Variants in CFAP91 observed in about 807,000 individuals in gnomAD.
The protein encoded by CFAP91 is cilia and flagella associated protein 91.
A neutral mutation model predicts 95.9 loss-of-function variants in CFAP91; 85 were observed. That is an observed-to-expected ratio of 0.89 (90% CI 0.74 to 1.06). CFAP91 has a LOEUF of 1.06. Among genes scored for constraint, CFAP91 ranks in the 50% least tolerant of loss-of-function variants. The pLI is 0.00. For synonymous variants in CFAP91, 335 were observed against 327.5 expected, an observed-to-expected ratio of 1.02 and a Z score of -0.25; for missense variants, 962 against 943.4, an observed-to-expected ratio of 1.02 and a Z score of -0.26.
At chr3:119,750,397 A>G in intron 16 of CFAP91, 1 of 158,742 alleles carries the variant, frequency 6.3e-6, no homozygotes, top group South Asian at 1.7e-4. Flanking sequence ...TTACCCTGAT[A>G]GTGAATATTC....
Position 119,706,834 on chromosome 3 carries a change from G to A in CFAP91, c.150G>A (p.Glu50=). 1 of 1,613,510 alleles carries A rather than the reference G, an allele frequency of 6.2e-7. No individual in the cohort carries two copies. The highest frequency in any genetic ancestry group is 8.5e-7 in the Non-Finnish European group (1 of 1,179,792). Residue 50 remains glutamate (E), a synonymous_variant, in exon 2 of 18, where the codon GAG becomes GAA. Transcript: ENST00000273390. The part of the protein sequence containing the change: ...LYDPLFIVSS[E]KDHTQANIQA... ...ATCCATTGTTTATTGTGTCAAGTGAGAAAGACCATACACAGGCAAATATCC... is the reference window on the plus strand; with the variant it reads ...ATCCATTGTTTATTGTGTCAAGTGAAAAAGACCATACACAGGCAAATATCC...
At position 119,747,181 on chromosome 3, in the gene CFAP91, A is replaced by G. The variant is rs2054237282; in HGVS notation, c.1969A>G (p.Asn657Asp). The G allele has an allele frequency of 1.9e-6, 3 of 1,613,812 alleles. No homozygotes were observed. Among genetic ancestry groups the G allele is most frequent in the Non-Finnish European group, 2.5e-6 (3 of 1,179,864 alleles). ...AGACATAATACTGAATACCGAAGCGAATACTGCAGAAGAACAAGCCAGGGC... is the reference window on the plus strand; with the variant it reads ...AGACATAATACTGAATACCGAAGCGGATACTGCAGAAGAACAAGCCAGGGC... ...LEDIILNTEA[N>D]TAEEQARAEI... The change falls in exon 15 of 18, where the codon AAT (asparagine) becomes GAT (aspartate). Residue 657 changes from asparagine (N) to aspartate (D), a missense_variant. Coordinates refer to ENST00000273390, the MANE Select transcript of CFAP91 (RefSeq NM_033364.4).
intron 12 of CFAP91, 58 bp from the exon 13 acceptor site, chr3:119,740,491 G>T (rs2054094647): frequency 5.0e-6 from 8 of 1,589,264 alleles, no homozygotes; most frequent in Non-Finnish European, 6.9e-6. Flanking sequence ...GTGACTCCTA[G>T]TGCTTGGCAC....
chr3:119,736,057 G>A (rs2053995758), intron 10 of CFAP91, among the ~76,000 whole-genome samples: 2 of 151,196 alleles, frequency 1.3e-5, no homozygotes, highest in African/African-American at 4.9e-5. Flanking sequence ...GGGGAGCGGG[G>A]GGAATGTAAT....
At chr3:119,736,204 T>G (rs949347428) in intron 10 of CFAP91, among the ~76,000 whole-genome samples, 1 of 151,732 alleles carries the variant, frequency 6.6e-6, no homozygotes, top group Non-Finnish European at 1.5e-5. Context: ...TGCCTAATAG[T>G]GCTCACTTCC....
rs2054315655 is a variant in CFAP91 at position 119,751,058 on chromosome 3, G to A, written c.2265G>A (p.Met755Ile). ...AAGATGAGGCCTCAAATGCTGCCAT[G>A]TTACTTGAGAAAGAAACTCAAAATG... is the stretch of plus-strand genomic sequence containing the variant. ...GEQDEASNAA[M>I]LLEKETQNEN... Residue 755 changes from methionine (M) to isoleucine (I), a missense_variant, in exon 17 of 18, where the codon ATG becomes ATA. Coordinates refer to ENST00000273390, the MANE Select transcript of CFAP91 (RefSeq NM_033364.4). The A allele has an allele frequency of 3.7e-6, 6 of 1,609,824 alleles. No homozygotes were observed. The highest frequency in any genetic ancestry group is 5.1e-6 in the Non-Finnish European group (6 of 1,178,644).
Position 119,722,195 on chromosome 3 carries a change from A to AAAAAAAAAAG in CFAP91, c.683-3976_683-3975insAAAAAAAAAG, listed in dbSNP as rs1553707014. ...CTGTCTCTAAAAAAAAAAAAAAAAAAGGAAGAAGATGAAAGAAAGAAAAAG... is the reference window on the plus strand; with the variant it reads ...CTGTCTCTAAAAAAAAAAAAAAAAAAAAAAAAAAAGGGAAGAAGATGAAAGAAAGAAAAAG... On this transcript the variant is annotated intron_variant, in intron 6 of 17. Coordinates refer to ENST00000273390, the MANE Select transcript of CFAP91 (RefSeq NM_033364.4). Among the ~76,000 whole-genome samples the AAAAAAAAAAG allele has an allele frequency of 3.1e-3, 459 of 149,270 alleles. 6 individuals are homozygous for AAAAAAAAAAG. Among genetic ancestry groups the AAAAAAAAAAG allele is most frequent in the African/African-American group, 0.011 (439 of 40,376 alleles).
At chr3:119,738,190 G>A (rs1206385905) in intron 11 of CFAP91, among the ~76,000 whole-genome samples, 1 of 152,062 alleles carries the variant, frequency 6.6e-6, no homozygotes, top group Non-Finnish European at 1.5e-5. Context: ...GTGTTGGTGG[G>A]AGACCATGCT....
intron 12 of CFAP91, 100 bp downstream of exon 12, chr3:119,739,426 C>A: frequency 3.8e-6 from 4 of 1,039,778 alleles, no homozygotes; most frequent in South Asian, 2.7e-5. Context: ...CTTTTGCACC[C>A]TGCTATCCTA....
intron 14 of CFAP91, among the ~76,000 whole-genome samples, chr3:119,745,674 C>T (rs2054207060): frequency 1.3e-5 from 2 of 152,218 alleles, no homozygotes; most frequent in African/African-American, 2.4e-5. Context: ...AGAGGGTGGG[C>T]TCTATGAGAG....
chr3:119,742,032 C>T (rs1022105387), intron 13 of CFAP91, among the ~76,000 whole-genome samples: 6 of 152,198 alleles, frequency 3.9e-5, no homozygotes, highest in African/African-American at 1.2e-4. Flanking sequence ...GCCCTGGAAG[C>T]GCTAGGCCCT....
chr3:119,760,918 AAAG>A (rs2054526505), intron 17 of CFAP91, among the ~76,000 whole-genome samples: 1 of 151,850 alleles, frequency 6.6e-6, no homozygotes, highest in Admixed American at 6.6e-5. Flanking sequence ...TTGCATCGAA[AAAG>A]AAGAAAGATC....
At chr3:119,716,898 G>A (rs564946228) in intron 6 of CFAP91, among the ~76,000 whole-genome samples, 66 of 152,136 alleles carry the variant, frequency 4.3e-4, no homozygotes, top group African/African-American at 8.4e-4. Flanking sequence ...CCCAACACCC[G>A]TACTTTAAAG....
chr3:119,726,671 T>C (rs2053790395), intron 7 of CFAP91, among the ~76,000 whole-genome samples: 1 of 152,180 alleles, frequency 6.6e-6, no homozygotes, highest in South Asian at 2.1e-4. Flanking sequence ...TTAGTATCTA[T>C]CTTAACTGTC....
At position 119,716,352 on chromosome 3, in the gene CFAP91, C is replaced by T. The variant is rs182625904; in HGVS notation, c.682+609C>T. Among the ~76,000 whole-genome samples, 752 of 152,298 alleles carry T rather than the reference C, an allele frequency of 4.9e-3. 6 individuals carry two copies. The highest frequency in any genetic ancestry group is 0.017 in the African/African-American group (709 of 41,570). The stretch of plus-strand genomic sequence containing the variant: ...ATTAGAAATTAGCTTATGTAACTCA[C>T]TTAGTTGTATTAATAGCTGGGAAAC... On this transcript the variant is annotated intron_variant, in intron 6 of 17. Transcript: ENST00000273390.
chr3:119,703,392 G>A (rs867794620), intron 1 of CFAP91, 170 bp downstream of exon 1: 62 of 1,005,998 alleles, frequency 6.2e-5, no homozygotes, highest in Middle Eastern at 6.4e-4. Flanking sequence ...CCCTCCAGGT[G>A]GCCGCACTCA....
rs1322887358 is a variant in CFAP91, at chr3:119,714,357, C to T, written c.501-1205C>T. Among the ~76,000 whole-genome samples the T allele has an allele frequency of 2.4e-5, 3 of 127,438 alleles. No individual in the cohort carries two copies. In the East Asian group the frequency reaches 6.7e-4, roughly 29 times the overall value. The allele number at this position is 127,438 out of a possible 152,430, so 83.6% of individuals were successfully genotyped here. On this transcript the variant is annotated intron_variant, in intron 5 of 17. Coordinates refer to ENST00000273390, the MANE Select transcript of CFAP91 (RefSeq NM_033364.4). ...CTCTAACCTGGGCGACAGAGCGAGA[C>T]TCCGTCTCAAAAAAAAAAAAAAAAA...
At chr3:119,720,232 C>CAA (rs71293247) in intron 6 of CFAP91, among the ~76,000 whole-genome samples, 3,699 of 128,258 alleles carry the variant, frequency 0.029, 123 homozygotes, top group African/African-American at 0.088. Flanking sequence ...ACTAAAAATA[C>CAA]AAAAAAAAAA....
At chr3:119,749,689 A>C (rs887864262) in intron 16 of CFAP91, among the ~76,000 whole-genome samples, 2 of 152,186 alleles carry the variant, frequency 1.3e-5, no homozygotes, top group Non-Finnish European at 2.9e-5. Context: ...AAATCAAAAA[A>C]GCCATATGAA....
Sources: gnomAD v4.1 joint callset for allele counts (sites outside exome capture counted in the v4.1 genomes callset) on GRCh38, gnomAD v4.1.1 for gene constraint, MANE v1.5 for transcripts, NCBI Gene and HGNC (gene_info 2026-07-23, HGNC 2026-07-21) for gene names.